TPR: variants seen among roughly 807,000 people sequenced by gnomAD.
TPR encodes the protein translocated promoter region, nuclear basket protein.
Under a neutral mutation model 316.1 loss-of-function variants are expected in TPR, and 51 were observed. That is an observed-to-expected ratio of 0.16 (90% confidence interval 0.13 to 0.20). The LOEUF (loss-of-function observed/expected upper bound fraction) is 0.20, where lower values mean the gene tolerates loss of function less well. Ranked by LOEUF, TPR falls within the 10% of genes least tolerant of loss-of-function variation. The pLI is 1.00. For missense variants in TPR, 2,272 were observed against 2,754.8 expected, an observed-to-expected ratio of 0.82 and a Z score of 3.92; for synonymous variants, 981 against 914.7, an observed-to-expected ratio of 1.07 and a Z score of -1.31.
rs974548684 is a variant in TPR, at chr1:186,352,410, A to G, written c.2335-300T>C. 7.9e-5 allele frequency among the ~76,000 whole-genome samples: 12 copies of G among 152,230 alleles called. No individual in the cohort carries two copies. In the East Asian group the frequency reaches 2.1e-3, roughly 27 times the overall value. Reference sequence around the variant, plus strand: ...ATTTAATATGTGAGAAGAAGAAAGCAGAATTGCATGACTGCTGTAATCATT... The same window carrying G: ...ATTTAATATGTGAGAAGAAGAAAGCGGAATTGCATGACTGCTGTAATCATT... On this transcript the variant is annotated intron_variant, in intron 18 of 50. Transcript: ENST00000367478.
intron 21 of TPR, 130 bp from the exon 22 acceptor site, chr1:186,347,588 G>T: frequency 3.3e-6 from 3 of 914,606 alleles, no homozygotes; most frequent in Non-Finnish European, 4.5e-6. Flanking sequence ...TTCAATCCAT[G>T]CCGAATACCA....
rs764281451 is a variant in TPR, at chr1:186,312,325, C to T, written c.*1646G>A. On this transcript the variant is annotated 3_prime_UTR_variant, in exon 51 of 51. Transcript: ENST00000367478. The stretch of plus-strand genomic sequence containing the variant: ...GCTATAGGACCTTCTCAAACACACA[C>T]CATCAGAATTCAATATTCACCTGCC... The T allele has an allele frequency of 6.2e-7, 1 of 1,610,452 alleles. No homozygotes were observed. The highest frequency in any genetic ancestry group is 2.2e-5 in the East Asian group (1 of 44,838).
rs1571610678 is a variant in TPR, at chr1:186,333,166, G to A, written c.5411C>T (p.Ser1804Leu). ...SSNIVEVVQS[S>L]PVERPSTSTA... ...GGAAGTAGAAGGCCGCTCAACTGGT[G>A]AACTCTGAACAACCTCTACTATGTT... is the stretch of plus-strand genomic sequence containing the variant. The change falls in exon 37 of 51, where the codon TCA (serine) becomes TTA (leucine). Residue 1804 changes from serine to leucine, a missense_variant. Physicochemically the swap from Ser to Leu is moderately radical, Grantham distance 145 (BLOSUM62 -2). Around this residue, in one of 10 missense-constraint regions of TPR, gnomAD observed 435 missense variants for 461.1 expected, o/e 0.94. Coordinates refer to ENST00000367478, the MANE Select transcript of TPR (RefSeq NM_003292.3). The A allele has an allele frequency of 3.7e-6, 6 of 1,613,484 alleles. No individual in the cohort carries two copies. The East Asian group carries it at 1.3e-4, about 36-fold the overall frequency.
In TPR at chr1:186,350,289, A is replaced by G; in HGVS notation, c.2710T>C (p.Leu904=). The G allele has an allele frequency of 6.2e-7, 1 of 1,613,854 alleles. No homozygotes were observed. The highest frequency in any genetic ancestry group is 8.5e-7 in the Non-Finnish European group (1 of 1,179,906). Residue 904 remains leucine (L), a synonymous_variant, in exon 21 of 51, where the codon TTG becomes CTG. Coordinates refer to ENST00000367478, the MANE Select transcript of TPR (RefSeq NM_003292.3). ...LKNAQKEIAT[L]KQHLSNMEVQ... is the part of the protein sequence containing the mutation. Reference sequence around the variant, plus strand: ...TCCATATTACTGAGGTGCTGTTTCAATGTGGCAATTTCTTTTTGAGCATTT... The same window carrying G: ...TCCATATTACTGAGGTGCTGTTTCAGTGTGGCAATTTCTTTTTGAGCATTT...
chr1:186,347,667 ATC>A (rs1013230045), intron 21 of TPR, among the ~76,000 whole-genome samples: 10 of 152,240 alleles, frequency 6.6e-5, no homozygotes, highest in African/African-American at 1.4e-4. Flanking sequence ...AATATTTTAA[ATC>A]TGTTACAAAA....
chr1:186,347,057 A>T (rs182300291), intron 22 of TPR, among the ~76,000 whole-genome samples: 1 of 152,296 alleles, frequency 6.6e-6, no homozygotes, highest in African/African-American at 2.4e-5. Flanking sequence ...CCTACCTCTC[A>T]GTCTCCTCAA....
intron 1 of TPR, among the ~76,000 whole-genome samples, chr1:186,374,357 T>G (rs1040300318): frequency 4.6e-5 from 7 of 152,252 alleles, no homozygotes; most frequent in African/African-American, 1.4e-4. Context: ...ATTAAATTTA[T>G]GTACTGCACA....
chr1:186,325,557 A>G lies in TPR; in HGVS notation c.6112+207T>C, dbSNP rs1272432592. 21 of 431,716 alleles carry G rather than the reference A, an allele frequency of 4.9e-5. No individual in the cohort carries two copies. In the East Asian group the frequency reaches 7.0e-4, roughly 14 times the overall value. 26.7% of individuals were successfully genotyped at this position (431,716 alleles called of 1,614,324 possible). A position where few individuals can be genotyped will look rare whatever the true frequency, so the allele number is the denominator to read the frequency against. On this transcript the variant is annotated intron_variant, in intron 42 of 50. Transcript: ENST00000367478. Reference sequence around the variant, plus strand: ...AATGTTTGCATCTTACAGCAGCCCAATGAGGCAGAAAAGAGTATAATGACA... The same window carrying G: ...AATGTTTGCATCTTACAGCAGCCCAGTGAGGCAGAAAAGAGTATAATGACA...
At chr1:186,367,753 T>C in intron 4 of TPR, 133 bp downstream of exon 4, 4 of 535,520 alleles carry the variant, frequency 7.5e-6, no homozygotes, top group South Asian at 3.1e-5. Flanking sequence ...GGAGAAATAA[T>C]AGGATATGAC....
chr1:186,367,155 C>A (rs1036090819), intron 4 of TPR, among the ~76,000 whole-genome samples: 1 of 149,104 alleles, frequency 6.7e-6, no homozygotes, highest in African/African-American at 2.5e-5. Context: ...CAACCTCCGG[C>A]TCCTGGGTTT....
chr1:186,348,791 T>C lies in TPR; in HGVS notation c.2777-1333A>G, dbSNP rs78143273. Among the ~76,000 whole-genome samples, 121 of 152,288 alleles carry C rather than the reference T, an allele frequency of 7.9e-4. No individual in the cohort carries two copies. The East Asian group carries it at 0.017, about 22-fold the overall frequency. ...GTGTTCTCCCAATAATTAAACATTA[T>C]TTACTCTAAAACACTAAATCTTAAA... is the stretch of plus-strand genomic sequence containing the variant. On this transcript the variant is annotated intron_variant, in intron 21 of 50. Coordinates refer to ENST00000367478, the MANE Select transcript of TPR (RefSeq NM_003292.3).
intron 45 of TPR, among the ~76,000 whole-genome samples, chr1:186,321,187 T>A (rs776555182): frequency 5.9e-5 from 9 of 152,204 alleles, no homozygotes; most frequent in African/African-American, 9.6e-5. Context: ...TGAAATTGAT[T>A]GGCTGGTTTG....
At chr1:186,351,095 A>C (rs977993792) in intron 20 of TPR, among the ~76,000 whole-genome samples, 1 of 152,228 alleles carries the variant, frequency 6.6e-6, no homozygotes. Flanking sequence ...ACTGCATCTC[A>C]GAATAAAGCT....
Position 186,326,122 on chromosome 1 carries a change from A to G in TPR, c.6003T>C (p.Tyr2001=). The G allele has an allele frequency of 1.2e-6, 2 of 1,613,840 alleles. No homozygotes were observed. Among genetic ancestry groups the G allele is most frequent in the African/African-American group, 1.3e-5 (1 of 75,046 alleles). ...CAGTTACCTCAGCATCATCAGCTTC[A>G]TAACCATCATTGCCATCGGCACTAC... ...GTGSADGNDG[Y]EADDAEGGDG... Residue 2001 remains tyrosine (Y), a synonymous_variant, in exon 41 of 51, where the codon TAT becomes TAC. Transcript: ENST00000367478.
At chr1:186,335,670 T>A in intron 33 of TPR, 127 bp from the exon 34 acceptor site, 1 of 604,960 alleles carries the variant, frequency 1.7e-6, no homozygotes, top group South Asian at 3.3e-5. Context: ...TTATGATACA[T>A]CATACATCTC....
chr1:186,346,033 T>C lies in TPR; in HGVS notation c.3096+102A>G, dbSNP rs377312471. ...ACTAAAATTTTGCCTATGTGTTCAA[T>C]AAATTTCTGTTGAGATGAACTAAAT... is the stretch of plus-strand genomic sequence containing the variant. On this transcript the variant is annotated intron_variant, in intron 23 of 50. Transcript: ENST00000367478. The C allele has an allele frequency of 2.9e-6, 4 of 1,365,584 alleles. No individual in the cohort carries two copies. The African/African-American group carries it at 5.8e-5, about 20-fold the overall frequency. 84.6% of individuals were successfully genotyped at this position (1,365,584 alleles called of 1,614,324 possible).
Position 186,346,431 on chromosome 1 carries a change from A to G in TPR, c.2944-144T>C, listed in dbSNP as rs577405614. On this transcript the variant is annotated intron_variant, in intron 22 of 50. Transcript: ENST00000367478. ...AAAAAAGAATCCATCAAAGGTGATT[A>G]GAAGATTCAACAACAAGCAAAAACA... 7.0e-4 allele frequency: 591 copies of G among 848,186 alleles called. 3 individuals are homozygous for G. The highest frequency in any genetic ancestry group is 8.6e-4 in the Non-Finnish European group (517 of 600,658). The allele number at this position is 848,186 out of a possible 1,614,324, so 52.5% of individuals were successfully genotyped here.
chr1:186,335,707 T>C (rs1037473928), intron 33 of TPR, among the ~76,000 whole-genome samples, 164 bp from the exon 34 acceptor site: 11 of 152,184 alleles, frequency 7.2e-5, no homozygotes, highest in African/African-American at 2.7e-4. Context: ...AGTACATTCA[T>C]GCTTTAACTT....
At chr1:186,344,912 C>T (rs1658629312) in intron 24 of TPR, among the ~76,000 whole-genome samples, 1 of 151,972 alleles carries the variant, frequency 6.6e-6, no homozygotes, top group African/African-American at 2.4e-5. Flanking sequence ...TTTAAAATAG[C>T]AATATACACG....
Sources: gnomAD v4.1 joint callset for allele counts (sites outside exome capture counted in the v4.1 genomes callset) on GRCh38, gnomAD v4.1.1 for gene constraint, gnomAD v4.1.1 regional missense constraint, MANE v1.5 for transcripts, NCBI Gene and HGNC (gene_info 2026-07-23, HGNC 2026-07-21) for gene names.